Variants in HDAC9 observed in about 807,000 individuals in gnomAD.
HDAC9 encodes histone deacetylase 9.
A neutral mutation model predicts 139.4 loss-of-function variants in HDAC9; 41 were observed. That is an observed-to-expected ratio of 0.29 (90% CI 0.23 to 0.38). The LOEUF (loss-of-function observed/expected upper bound fraction) is 0.38, where lower values mean the gene tolerates loss of function less well. HDAC9 is among the 10% of genes least tolerant of loss of function. HDAC9 has a pLI of 1.00. For synonymous variants in HDAC9, 517 were observed against 476.2 expected (o/e 1.09, Z -1.12); for missense variants, 1,147 against 1,297.0 (o/e 0.88, Z 1.78).
intron 1 of HDAC9, among the ~76,000 whole-genome samples, chr7:18,152,158 G>A (rs1372025614): frequency 2.6e-5 from 4 of 151,770 alleles, no homozygotes; most frequent in African/African-American, 9.7e-5. Context: ...CACAATTTGA[G>A]GGGCAGTTTG....
intron 2 of HDAC9, among the ~76,000 whole-genome samples, chr7:18,195,430 T>G (rs1339246132): frequency 6.6e-6 from 1 of 152,210 alleles, no homozygotes; most frequent in East Asian, 1.9e-4. Context: ...TTCATAGATC[T>G]TAATCTTAAA....
At position 18,329,907 on chromosome 7, in the gene HDAC9, G is replaced by T. The variant is rs1218516420; in HGVS notation, c.-42+39392G>T. Among the ~76,000 whole-genome samples the T allele has an allele frequency of 2.0e-5, 3 of 151,580 alleles. No individual in the cohort carries two copies. The East Asian group carries it at 5.8e-4, about 30-fold the overall frequency. ...TAGCCACAACATTCTTACTAGTTTT[G>T]CTTTGGGAATAGTGTATATTTTACT... On this transcript the variant is annotated intron_variant, in intron 1 of 3. Transcript: ENST00000413509.
At chr7:18,551,502 C>T (rs991396434) in intron 2 of HDAC9, among the ~76,000 whole-genome samples, 2 of 152,118 alleles carry the variant, frequency 1.3e-5, no homozygotes. Context: ...GAAAATGAGA[C>T]AAGAAGCAAC....
At chr7:18,904,562 C>G (rs937158974) in intron 22 of HDAC9, among the ~76,000 whole-genome samples, 3 of 147,490 alleles carry the variant, frequency 2.0e-5, no homozygotes, top group Admixed American at 7.0e-5. Context: ...ACCCTCTACC[C>G]TCCCCATTTC....
chr7:18,853,312 T>C (rs1254434879), intron 21 of HDAC9, among the ~76,000 whole-genome samples: 2 of 152,014 alleles, frequency 1.3e-5, no homozygotes, highest in Non-Finnish European at 2.9e-5. Context: ...CATACCAGAA[T>C]AAATTTGTAG....
chr7:18,952,808 G>A (rs1261225775), intron 23 of HDAC9, among the ~76,000 whole-genome samples: 2 of 139,654 alleles, frequency 1.4e-5, no homozygotes, highest in Non-Finnish European at 3.2e-5. Flanking sequence ...ACAGAGCGGT[G>A]GTGGTGATGT....
At chr7:18,536,676 T>C (rs1272932331) in intron 2 of HDAC9, among the ~76,000 whole-genome samples, 1 of 152,182 alleles carries the variant, frequency 6.6e-6, no homozygotes, top group Admixed American at 6.5e-5. Flanking sequence ...ATGATTCATC[T>C]GATTAAAATT....
chr7:18,439,416 G>A (rs1791531848), intron 1 of HDAC9, among the ~76,000 whole-genome samples: 1 of 152,114 alleles, frequency 6.6e-6, no homozygotes, highest in Admixed American at 6.5e-5. Flanking sequence ...AACCCTGTCT[G>A]GCTATCAGTC....
chr7:18,732,353 T>C (rs537974600), intron 13 of HDAC9, among the ~76,000 whole-genome samples: 2 of 152,238 alleles, frequency 1.3e-5, no homozygotes, highest in Admixed American at 6.5e-5. Flanking sequence ...ATCAATACTT[T>C]TTACTCTATA....
intron 6 of HDAC9, among the ~76,000 whole-genome samples, chr7:18,623,970 G>A (rs867333280): frequency 1.3e-5 from 2 of 152,076 alleles, no homozygotes; most frequent in African/African-American, 4.8e-5. Flanking sequence ...GGGATGAGAG[G>A]TCTGGTCTAT....
intron 11 of HDAC9, among the ~76,000 whole-genome samples, chr7:18,660,765 C>T (rs373934091): frequency 6.6e-6 from 1 of 152,006 alleles, no homozygotes; most frequent in Non-Finnish European, 1.5e-5. Context: ...GCCTTGTGGG[C>T]GAACAAACTC....
chr7:18,100,369 G>C (rs1584037772), intron 1 of HDAC9, among the ~76,000 whole-genome samples: 1 of 152,150 alleles, frequency 6.6e-6, no homozygotes, highest in East Asian at 1.9e-4. Context: ...AAAAAAGTTA[G>C]TCATTATTTC....
intron 1 of HDAC9, among the ~76,000 whole-genome samples, chr7:18,361,573 A>C (rs1022029570): frequency 9.9e-5 from 15 of 152,204 alleles, no homozygotes; most frequent in Non-Finnish European, 1.5e-4. Context: ...CTTATATTAC[A>C]CCAGGGAAAC....
intron 2 of HDAC9, among the ~76,000 whole-genome samples, chr7:18,283,781 A>G (rs1477370691): frequency 6.6e-6 from 1 of 152,216 alleles, no homozygotes; most frequent in African/African-American, 2.4e-5. Flanking sequence ...TAGATGGGAA[A>G]CATTCAGCTG....
chr7:18,460,525 C>T (rs1013347076), intron 1 of HDAC9, among the ~76,000 whole-genome samples: 1 of 151,934 alleles, frequency 6.6e-6, no homozygotes, highest in Non-Finnish European at 1.5e-5. Flanking sequence ...TGGTTCACGC[C>T]TGTAATCCCA....
intron 14 of HDAC9, among the ~76,000 whole-genome samples, chr7:18,756,653 T>G (rs1788902298): frequency 6.6e-6 from 1 of 152,212 alleles, no homozygotes; most frequent in South Asian, 2.1e-4. Context: ...AGCTTTGACA[T>G]AATTTAGTCA....
chr7:18,144,616 A>G (rs910698965), intron 1 of HDAC9, among the ~76,000 whole-genome samples: 1 of 151,840 alleles, frequency 6.6e-6, no homozygotes, highest in African/African-American at 2.4e-5. Context: ...TTTTTTCCCT[A>G]AAAGTTAACC....
At chr7:18,745,067 G>C (rs1162781240) in intron 13 of HDAC9, among the ~76,000 whole-genome samples, 2 of 151,924 alleles carry the variant, frequency 1.3e-5, no homozygotes, top group African/African-American at 2.4e-5. Flanking sequence ...AGCCAGAAAG[G>C]GTCAAACAAA....
At chr7:18,823,962 G>A (rs775713623) in intron 17 of HDAC9, among the ~76,000 whole-genome samples, 11 of 150,364 alleles carry the variant, frequency 7.3e-5, no homozygotes. Context: ...TGGGTGACAG[G>A]GCAAGACCCT....
Sources: gnomAD v4.1 joint callset for allele counts (sites outside exome capture counted in the v4.1 genomes callset) on GRCh38, gnomAD v4.1.1 for gene constraint, MANE v1.5 for transcripts, NCBI Gene and HGNC (gene_info 2026-07-23, HGNC 2026-07-21) for gene names.